The following COL6A1 variants were observed in gnomAD, a reference collection of about 807,000 sequenced individuals.
COL6A1 encodes the protein collagen type VI alpha 1 chain.
Under a neutral mutation model 145.6 loss-of-function variants are expected in COL6A1, and 80 were observed. That is an observed-to-expected ratio of 0.55 (90% confidence interval 0.46 to 0.66). The LOEUF is 0.66. Ranked by LOEUF, COL6A1 falls within the 30% of genes least tolerant of loss-of-function variation. The pLI, the probability that COL6A1 is intolerant of heterozygous loss-of-function variation, is 0.00. For synonymous variants in COL6A1, 638 were observed against 622.8 expected, an observed-to-expected ratio of 1.02 and a Z score of -0.36; for missense variants, 1,364 against 1,473.8, an observed-to-expected ratio of 0.93 and a Z score of 1.22.
At chr21:45,997,142 G>A (rs1309812952) in intron 20 of COL6A1, among the ~76,000 whole-genome samples, 14 of 128,116 alleles carry the variant, frequency 1.1e-4, no homozygotes, top group East Asian at 2.0e-4. Flanking sequence ...CCAGCCGGGC[G>A]CCCACCAAAG....
At chr21:45,992,882 T>C (rs2077784959) in intron 19 of COL6A1, 72 bp downstream of exon 19, 1 of 1,377,820 alleles carries the variant, frequency 7.3e-7, no homozygotes, top group Middle Eastern at 2.1e-4. Context: ...GGGTCAGGCC[T>C]CCAGAGCCAC....
In COL6A1 at chr21:45,997,521, G is replaced by A. The variant is rs766946200; in HGVS notation, c.1461+38G>A. Reference sequence around the variant, plus strand: ...CCCCACCCACACCCGCCCACCCAGGGGGGCCTGAGGATCCAGAACCCACTG... The same window carrying A: ...CCCCACCCACACCCGCCCACCCAGGAGGGCCTGAGGATCCAGAACCCACTG... On this transcript the variant is annotated intron_variant, in intron 21 of 34. Transcript: ENST00000361866. 4.4e-5 allele frequency: 70 copies of A among 1,601,954 alleles called. 2 individuals carry two copies. The South Asian group carries it at 7.7e-4, about 18-fold the overall frequency.
At chr21:45,984,071 G>T (rs533995016) in intron 2 of COL6A1, among the ~76,000 whole-genome samples, 198 bp from the exon 3 acceptor site, 5 of 152,314 alleles carry the variant, frequency 3.3e-5, no homozygotes, top group Non-Finnish European at 7.4e-5. Flanking sequence ...GGATCGGGGC[G>T]CAGGTCGCTT....
rs374606098 is a variant in COL6A1 at position 46,002,768 on chromosome 21, C to T, written c.2434+58C>T. ...CTGCGTAGGTGCGCGCGGGGCCGCC[C>T]GGGCAGTCCCAGATCTGCGTAGGTG... On this transcript the variant is annotated intron_variant, in intron 33 of 34. Coordinates refer to ENST00000361866, the MANE Select transcript of COL6A1 (RefSeq NM_001848.3). 7.4e-5 allele frequency: 112 copies of T among 1,515,094 alleles called. No individual in the cohort carries two copies. In the East Asian group the frequency reaches 9.1e-4, roughly 12 times the overall value. 93.9% of individuals were successfully genotyped at this position (1,515,094 alleles called of 1,614,324 possible).
Position 46,004,065 on chromosome 21 carries a change from T to G in COL6A1, c.*52T>G. ...CTGTCCTCCCACCCCTCCCCACTCATCACTAAACAGAGTAAAATGTGATGC... is the reference window on the plus strand; with the variant it reads ...CTGTCCTCCCACCCCTCCCCACTCAGCACTAAACAGAGTAAAATGTGATGC... On this transcript the variant is annotated 3_prime_UTR_variant, in exon 35 of 35. Transcript: ENST00000361866. 6.3e-7 allele frequency: 1 copy of G among 1,591,658 alleles called. No homozygotes were observed. Among genetic ancestry groups the G allele is most frequent in the Non-Finnish European group, 8.6e-7 (1 of 1,164,340 alleles).
At chr21:45,992,633 G>C in intron 18 of COL6A1, 115 bp from the exon 19 acceptor site, 1 of 1,129,908 alleles carries the variant, frequency 8.9e-7, no homozygotes, top group Non-Finnish European at 1.3e-6. Context: ...TGGAGGGGTG[G>C]CCCCTCCCAG....
intron 24 of COL6A1, 117 bp downstream of exon 24, chr21:45,998,550 C>A: frequency 7.2e-7 from 1 of 1,388,648 alleles, no homozygotes; most frequent in Non-Finnish European, 1.0e-6. Flanking sequence ...ACGGGGTACA[C>A]AGGCACCCAC....
rs794727581 is a variant in COL6A1 at position 46,003,586 on chromosome 21, A to G, written c.2660A>G (p.Glu887Gly). 14 of 1,612,716 alleles carry G rather than the reference A, an allele frequency of 8.7e-6. No individual in the cohort carries two copies. The highest frequency in any genetic ancestry group is 1.2e-5 in the Non-Finnish European group (14 of 1,179,768). The change falls in exon 35 of 35, where the codon GAG becomes GGG. Residue 887 changes from glutamate (E) to glycine (G), a missense_variant. Physicochemically the swap from Glu to Gly is moderately conservative, Grantham distance 98 (BLOSUM62 -2). Transcript: ENST00000361866. ...AGCGGCACGGGCCAGCAGCGCCCAGAGCGGGCGTCGCTGCAGTTCCTGCAG... is the reference window on the plus strand; with the variant it reads ...AGCGGCACGGGCCAGCAGCGCCCAGGGCGGGCGTCGCTGCAGTTCCTGCAG... The part of the protein sequence containing the change: ...QYSGTGQQRP[E>G]RASLQFLQNY...
At chr21:45,993,751 T>A (rs972313043) in intron 19 of COL6A1, among the ~76,000 whole-genome samples, 2 of 152,174 alleles carry the variant, frequency 1.3e-5, no homozygotes, top group African/African-American at 4.8e-5. Flanking sequence ...TGACTCAGAC[T>A]GCCTTCTAGG....
intron 26 of COL6A1, 22 bp from the exon 27 acceptor site, chr21:45,999,635 C>G: frequency 6.2e-7 from 1 of 1,613,104 alleles, no homozygotes; most frequent in Non-Finnish European, 8.5e-7. Flanking sequence ...CTCAGAGCTC[C>G]TCTACTCCGT....
chr21:45,996,609 G>A (rs553249834), intron 20 of COL6A1, among the ~76,000 whole-genome samples: 7 of 152,368 alleles, frequency 4.6e-5, no homozygotes, highest in East Asian at 1.9e-4. Flanking sequence ...ACAGGCGTCC[G>A]ACCAGGCTCA....
At chr21:45,984,845 CAGAG>C (rs1241298353) in intron 3 of COL6A1, among the ~76,000 whole-genome samples, 22 of 146,512 alleles carry the variant, frequency 1.5e-4, no homozygotes, top group South Asian at 6.6e-4. Flanking sequence ...CAGACAGAGA[CAGAG>C]AGAGACAGAG....
At chr21:45,989,956 C>T (rs1170884387) in intron 11 of COL6A1, among the ~76,000 whole-genome samples, 178 bp downstream of exon 11, 2 of 152,178 alleles carry the variant, frequency 1.3e-5, no homozygotes, top group Admixed American at 1.3e-4. Flanking sequence ...CACCCAGGCA[C>T]CCAGCAAAGG....
Position 46,000,897 on chromosome 21 carries a change from C to T in COL6A1, c.1822+130C>T, listed in dbSNP as rs904699687. 2.5e-6 allele frequency: 3 copies of T among 1,214,832 alleles called. No individual in the cohort carries two copies. The African/African-American group carries it at 4.5e-5, about 18-fold the overall frequency. 75.3% of individuals were successfully genotyped at this position (1,214,832 alleles called of 1,614,324 possible). On this transcript the variant is annotated intron_variant, in intron 29 of 34. Coordinates refer to ENST00000361866, the MANE Select transcript of COL6A1 (RefSeq NM_001848.3). ...GCCCGCAGCTCCCTGCACCTGCCCG[C>T]CCCCTCTGGGGCCTGCTCCAAGCCA...
chr21:45,991,519 C>A (rs912650391), intron 15 of COL6A1, among the ~76,000 whole-genome samples: 1 of 152,144 alleles, frequency 6.6e-6, no homozygotes, highest in South Asian at 2.1e-4. Context: ...GGAGAAGGAG[C>A]TTTTTCGTCT....
In COL6A1 at chr21:45,990,407, G is replaced by C; in HGVS notation, c.987G>C (p.Gly329=). The C allele has an allele frequency of 7.4e-7, 1 of 1,344,278 alleles. No individual in the cohort carries two copies. Among genetic ancestry groups the C allele is most frequent in the Non-Finnish European group, 9.7e-7 (1 of 1,028,310 alleles). 83.3% of individuals were successfully genotyped at this position (1,344,278 alleles called of 1,614,324 possible). The part of the protein sequence containing the change: ...KGEKGKRGID[G]VDGVKGEMGY... ...AGAAGGGCAAGCGTGGCATCGACGG[G>C]GTGGACGGCGTGAAGGTGACTGGGG... The change falls in exon 13 of 35, where the codon GGG becomes GGC. Residue 329 remains glycine, a synonymous_variant. Coordinates refer to ENST00000361866, the MANE Select transcript of COL6A1 (RefSeq NM_001848.3).
At position 46,002,844 on chromosome 21, in the gene COL6A1, C is replaced by T. The variant is rs1256016262; in HGVS notation, c.2434+134C>T. The T allele has an allele frequency of 2.9e-5, 35 of 1,191,144 alleles. No homozygotes were observed. In the East Asian group the frequency reaches 4.3e-4, roughly 15 times the overall value. The allele number at this position is 1,191,144 out of a possible 1,614,324, so 73.8% of individuals were successfully genotyped here. A position where few individuals can be genotyped will look rare whatever the true frequency, so the allele number is the denominator to read the frequency against. ...AGATCTGCGTAGGTGCACGCGGGGCCGCCCAGGGCCGTCCCAGATCTGTGT... is the reference window on the plus strand; with the variant it reads ...AGATCTGCGTAGGTGCACGCGGGGCTGCCCAGGGCCGTCCCAGATCTGTGT... On this transcript the variant is annotated intron_variant, in intron 33 of 34. Transcript: ENST00000361866.
intron 21 of COL6A1, 88 bp downstream of exon 21, chr21:45,997,571 C>T: frequency 6.5e-7 from 1 of 1,540,850 alleles, no homozygotes; most frequent in Non-Finnish European, 8.9e-7. Context: ...GCCCCGTGCC[C>T]TCTGAGGACT....
rs765826390 is a variant in COL6A1, at chr21:45,992,207, C to A, written c.1226C>A (p.Ala409Glu). Residue 409 changes from alanine to glutamate, a missense_variant, in exon 17 of 35, where the codon GCG becomes GAG. Ala to Glu is a moderately radical substitution (Grantham distance 107). Coordinates refer to ENST00000361866, the MANE Select transcript of COL6A1 (RefSeq NM_001848.3). ...EPGPPGEKGE[A>E]GDEGNPGPDG... ...GGGCCCCCCGGAGAGAAAGGAGAGG[C>A]GGGCGACGAGGTGAGTGAGGGCTCC... The A allele has an allele frequency of 5.0e-6, 8 of 1,613,660 alleles. No individual in the cohort carries two copies. Among genetic ancestry groups the A allele is most frequent in the Non-Finnish European group, 5.1e-6 (6 of 1,179,982 alleles).
Sources: gnomAD v4.1 joint callset for allele counts (sites outside exome capture counted in the v4.1 genomes callset) on GRCh38, gnomAD v4.1.1 for gene constraint, MANE v1.5 for transcripts, NCBI Gene and HGNC (gene_info 2026-07-23, HGNC 2026-07-21) for gene names.